The following ARFGEF1 variants were observed in gnomAD, a reference collection of about 807,000 sequenced individuals.
ARFGEF1 encodes the protein ARF guanine nucleotide exchange factor 1.
A neutral mutation model predicts 231.0 loss-of-function variants in ARFGEF1; 42 were observed. The observed-to-expected ratio is 0.18, with a 90% CI of 0.14 to 0.24. ARFGEF1 has a LOEUF of 0.24. Ranked by LOEUF, ARFGEF1 falls within the 10% of genes least tolerant of loss-of-function variation. The pLI, the probability that ARFGEF1 is intolerant of heterozygous loss-of-function variation, is 1.00. For missense variants in ARFGEF1, 1,345 were observed against 2,192.0 expected (o/e 0.61, Z 7.72); for synonymous variants, 710 against 732.3 (o/e 0.97, Z 0.49).
At chr8:67,239,340 C>A (rs1321791715) in intron 20 of ARFGEF1, among the ~76,000 whole-genome samples, 2 of 152,148 alleles carry the variant, frequency 1.3e-5, no homozygotes, top group Non-Finnish European at 2.9e-5. Context: ...TAAACCTCCA[C>A]TCCTAAACTC....
In ARFGEF1 at chr8:67,224,379, G is replaced by A. The variant is rs549952632; in HGVS notation, c.4208+524C>T. 5.3e-5 allele frequency among the ~76,000 whole-genome samples: 8 copies of A among 152,222 alleles called. No individual in the cohort carries two copies. In the East Asian group the frequency reaches 1.5e-3, roughly 29 times the overall value. On this transcript the variant is annotated intron_variant, in intron 29 of 38. Coordinates refer to ENST00000262215, the MANE Select transcript of ARFGEF1 (RefSeq NM_006421.5). ...GGCCAGTTACATAATACCCATAATA[G>A]TTCCTTTACAGATTGACTATATGTT... is the stretch of plus-strand genomic sequence containing the variant.
At chr8:67,338,865 G>A (rs1808468127) in intron 1 of ARFGEF1, among the ~76,000 whole-genome samples, 1 of 152,182 alleles carries the variant, frequency 6.6e-6, no homozygotes, top group African/African-American at 2.4e-5. Context: ...GGTGTTCACT[G>A]ATGGCAGGAT....
At chr8:67,236,317 CA>C (rs1170379472) in intron 22 of ARFGEF1, among the ~76,000 whole-genome samples, 397 of 12,100 alleles carry the variant, frequency 0.033, 1 homozygote, top group Non-Finnish European at 0.04. Context: ...GACTGTGACT[CA>C]AAAAAAAAAA....
intron 1 of ARFGEF1, among the ~76,000 whole-genome samples, chr8:67,309,155 A>C (rs1587281038): frequency 6.6e-6 from 1 of 152,226 alleles, no homozygotes; most frequent in East Asian, 1.9e-4. Flanking sequence ...CGCTAAGTGA[A>C]AAAAGTCAGG....
intron 33 of ARFGEF1, among the ~76,000 whole-genome samples, chr8:67,212,561 C>T (rs1369784450): frequency 6.6e-6 from 1 of 152,204 alleles, no homozygotes; most frequent in Non-Finnish European, 1.5e-5. Flanking sequence ...GACCCTACTC[C>T]TCCTCGAGCT....
At position 67,311,241 on chromosome 8, in the gene ARFGEF1, G is replaced by A. The variant is rs1179181742; in HGVS notation, c.125-8775C>T. 6.7e-5 allele frequency among the ~76,000 whole-genome samples: 9 copies of A among 133,568 alleles called. 1 individual carries two copies. The East Asian group carries it at 1.4e-3, about 21-fold the overall frequency. The allele number at this position is 133,568 out of a possible 152,430, so 87.6% of individuals were successfully genotyped here. On this transcript the variant is annotated intron_variant, in intron 1 of 38. Transcript: ENST00000262215. ...CCGCCCCGTCCGGGAGGGAGGTGGG[G>A]AGGTCAGCCCCCCGCCCGGCCAGCC... is the stretch of plus-strand genomic sequence containing the variant.
At chr8:67,268,189 CT>C (rs891922895) in intron 10 of ARFGEF1, among the ~76,000 whole-genome samples, 9 of 152,310 alleles carry the variant, frequency 5.9e-5, no homozygotes, top group Admixed American at 4.6e-4. Flanking sequence ...GTATCTCCCC[CT>C]AACTGGATTA....
chr8:67,204,654 A>G lies in ARFGEF1; in HGVS notation c.4959+26T>C, dbSNP rs1185658553. 1.9e-6 allele frequency: 3 copies of G among 1,594,546 alleles called. No individual in the cohort carries two copies. In the East Asian group the frequency reaches 6.7e-5, roughly 36 times the overall value. ...ACCTAACTTCCTACTTACACAAAAA[A>G]AGCAGCTGTCCTCCTATCTCCTTAC... On this transcript the variant is annotated intron_variant, in intron 35 of 38. Transcript: ENST00000262215.
chr8:67,309,582 A>G (rs1323134807), intron 1 of ARFGEF1, among the ~76,000 whole-genome samples: 1 of 152,206 alleles, frequency 6.6e-6, no homozygotes, highest in African/African-American at 2.4e-5. Flanking sequence ...TCCTAAAGCC[A>G]TCTGTTTTGA....
intron 29 of ARFGEF1, among the ~76,000 whole-genome samples, chr8:67,223,405 T>C (rs1255958791): frequency 6.6e-6 from 1 of 152,058 alleles, no homozygotes; most frequent in Non-Finnish European, 1.5e-5. Flanking sequence ...TCTCACTATG[T>C]TGCCTAGGTT....
rs748130650 is a variant in ARFGEF1 at position 67,343,204 on chromosome 8, C to G, written c.84G>C (p.Ala28=). 2 of 1,611,022 alleles carry G rather than the reference C, an allele frequency of 1.2e-6. No individual in the cohort carries two copies. Among genetic ancestry groups the G allele is most frequent in the African/African-American group, 1.3e-5 (1 of 74,844 alleles). Residue 28 remains alanine (A), a synonymous_variant, in exon 1 of 39, where the codon GCG becomes GCC. Transcript: ENST00000262215. ...KILADKEVKK[A]HHSQLRKACE... is the part of the protein sequence containing the mutation. ...AAGCTTTGCGCAGCTGGGAGTGATGCGCCTTCTTCACTTCCTTGTCGGCCA... is the reference window on the plus strand; with the variant it reads ...AAGCTTTGCGCAGCTGGGAGTGATGGGCCTTCTTCACTTCCTTGTCGGCCA...
rs182837127 is a variant in ARFGEF1 at position 67,201,070 on chromosome 8, G to A, written c.5267+397C>T. Among the ~76,000 whole-genome samples, 8 of 152,328 alleles carry A rather than the reference G, an allele frequency of 5.3e-5. No individual in the cohort carries two copies. The South Asian group carries it at 6.2e-4, about 12-fold the overall frequency. On this transcript the variant is annotated intron_variant, in intron 37 of 38. Coordinates refer to ENST00000262215, the MANE Select transcript of ARFGEF1 (RefSeq NM_006421.5). ...TTTCATTCTTAGCCTGAGTTTACACGTTAGTTGGCTTAAAGTAAAAGAGTA... is the reference window on the plus strand; with the variant it reads ...TTTCATTCTTAGCCTGAGTTTACACATTAGTTGGCTTAAAGTAAAAGAGTA...
At chr8:67,178,377 A>G (rs557449243) in intron 5 of ARFGEF1, among the ~76,000 whole-genome samples, 11 of 152,328 alleles carry the variant, frequency 7.2e-5, no homozygotes, top group Non-Finnish European at 1.5e-4. Context: ...GCTCTTTTCA[A>G]TCAACAAATA....
intron 4 of ARFGEF1, among the ~76,000 whole-genome samples, chr8:67,297,341 A>G (rs1480825097): frequency 1.3e-5 from 2 of 152,158 alleles, no homozygotes; most frequent in African/African-American, 2.4e-5. Flanking sequence ...TCTTTTTTTA[A>G]CACACTGAAC....
At chr8:67,195,654 CT>C, downstream of ARFGEF1, 1 of 1,432,554 alleles carries the variant, frequency 7.0e-7, no homozygotes, top group South Asian at 1.2e-5. Flanking sequence ...AAATCTGTAC[CT>C]TTAATATGTC....
chr8:67,332,771 C>T (rs1808157111), intron 1 of ARFGEF1, among the ~76,000 whole-genome samples: 1 of 152,140 alleles, frequency 6.6e-6, no homozygotes, highest in Admixed American at 6.5e-5. Context: ...ACAGGACTGA[C>T]ACATTAGGCC....
At chr8:67,312,045 T>G (rs1807093254) in intron 1 of ARFGEF1, among the ~76,000 whole-genome samples, 1 of 151,992 alleles carries the variant, frequency 6.6e-6, no homozygotes, top group South Asian at 2.1e-4. Context: ...GGCAGCATGC[T>G]CGGTAAGAGT....
chr8:67,291,797 TACACATTTCCCTTA>T (rs752338932), intron 6 of ARFGEF1, 36 bp downstream of exon 6: 6 of 1,576,006 alleles, frequency 3.8e-6, no homozygotes, highest in Middle Eastern at 1.7e-4. Flanking sequence ...CTCTCATTCC[TACACATTTCCCTTA>T]ACACACACCC....
intron 5 of ARFGEF1, among the ~76,000 whole-genome samples, chr8:67,184,104 TGGCCTCCCAAAGTGCTGGG>T (rs1340854795): frequency 6.6e-6 from 1 of 152,064 alleles, no homozygotes. Flanking sequence ...CCCCCGGCCT[TGGCCTCCCAAAGTGCTGGG>T]ATTATAGGCG....
Sources: allele counts gnomAD v4.1 joint callset (sites outside exome capture counted in the v4.1 genomes callset), GRCh38; gene constraint gnomAD v4.1.1; transcripts MANE v1.5; gene names NCBI Gene and HGNC (gene_info 2026-07-23, HGNC 2026-07-21).